Variants in FLT4 observed in about 807,000 individuals in gnomAD.
The protein encoded by FLT4 is fms related receptor tyrosine kinase 4.
FLT4 carries 30 observed loss-of-function variants against 163.2 expected under a neutral mutation model. The ratio of observed to expected loss-of-function variants is 0.18; its 90% CI spans 0.14 to 0.25. The LOEUF (loss-of-function observed/expected upper bound fraction) is 0.25. Ranked by LOEUF, FLT4 falls within the 10% of genes least tolerant of loss-of-function variation. FLT4 has a pLI of 1.00. For missense variants in FLT4, 1,510 were observed against 1,863.8 expected (o/e 0.81, Z 3.50); for synonymous variants, 884 against 789.5 (o/e 1.12, Z -2.01).
Position 180,620,051 on chromosome 5 carries a change from C to T in FLT4, c.2542+122G>A. 7.9e-7 allele frequency: 1 copy of T among 1,264,002 alleles called. No homozygotes were observed. Among genetic ancestry groups the T allele is most frequent in the Non-Finnish European group, 1.1e-6 (1 of 906,032 alleles). 78.3% of individuals were successfully genotyped at this position (1,264,002 alleles called of 1,614,324 possible). A position where few individuals can be genotyped will look rare whatever the true frequency, so the allele number is the denominator to read the frequency against. On this transcript the variant is annotated intron_variant, in intron 17 of 29. Coordinates refer to ENST00000261937, the MANE Select transcript of FLT4 (RefSeq NM_182925.5). This position sits in a 1 kb window ranked among gnomAD's most constrained non-coding sequence, Gnocchi z 4.4. ...TTCTAGGTACCCACGCCCACAGGGACAGGTCAGGCCAGGCGGAACTTCCTG... is the reference window on the plus strand; with the variant it reads ...TTCTAGGTACCCACGCCCACAGGGATAGGTCAGGCCAGGCGGAACTTCCTG...
In FLT4 at chr5:180,619,284, G is replaced by T; in HGVS notation, c.2730C>A (p.Val910=). 1 of 1,610,698 alleles carries T rather than the reference G, an allele frequency of 6.2e-7. No individual in the cohort carries two copies. The highest frequency in any genetic ancestry group is 1.1e-5 in the South Asian group (1 of 91,066). The part of the protein sequence containing the change: ...LIHIGNHLNV[V]NLLGACTKPQ... ...GCTTGGTGCACGCCCCGAGGAGGTT[G>T]ACCACGTTGAGGTGGTTGCCGATGT... Residue 910 remains valine (V), a synonymous_variant, in exon 19 of 30, where the codon GTC becomes GTA. Transcript: ENST00000261937.
intron 29 of FLT4, among the ~76,000 whole-genome samples, chr5:180,607,419 C>T (rs1203156725): frequency 3.9e-5 from 6 of 152,030 alleles, no homozygotes; most frequent in South Asian, 4.2e-4. Flanking sequence ...GGGCGGATCA[C>T]GAGGTCAGGA....
At chr5:180,624,401 G>T (rs1432436040) in intron 10 of FLT4, among the ~76,000 whole-genome samples, 1 of 151,750 alleles carries the variant, frequency 6.6e-6, no homozygotes, top group Non-Finnish European at 1.5e-5. Flanking sequence ...TATTTTTTTT[G>T]TATTTTCAGT....
At chr5:180,629,654 A>G in intron 6 of FLT4, 42 bp downstream of exon 6, 1 of 1,600,038 alleles carries the variant, frequency 6.2e-7, no homozygotes, top group South Asian at 1.1e-5. Context: ...AGTCACAGGG[A>G]CTCCTGGGGA....
chr5:180,618,559 G>C (rs564581315), intron 21 of FLT4, among the ~76,000 whole-genome samples: 1 of 152,324 alleles, frequency 6.6e-6, no homozygotes, highest in South Asian at 2.1e-4. Context: ...CTTGTCTGCA[G>C]GGCAATTTCC....
chr5:180,609,446 C>A, intron 28 of FLT4: 1 of 390,882 alleles, frequency 2.6e-6, no homozygotes, highest in South Asian at 2.8e-5. Context: ...TGTTATCCTT[C>A]GACTGTGGCT....
rs1466474507 is a variant in FLT4 at position 180,618,792 on chromosome 5, C to A, written c.2979G>T (p.Arg993Ser). ...ARFSKTEGGA[R>S]RASPDQEAED... ...CACCTTCTTGGTCTGGAGAAGCCCG[C>A]CTCGCTCCGCCCTCGGTCTTCGAGA... Residue 993 changes from arginine to serine, a missense_variant, in exon 21 of 30, where the codon AGG (arginine) becomes AGT (serine). Transcript: ENST00000261937. 3 of 1,588,922 alleles carry A rather than the reference C, an allele frequency of 1.9e-6. No homozygotes were observed. The African/African-American group carries it at 4.0e-5, about 21-fold the overall frequency.
At position 180,611,648 on chromosome 5, in the gene FLT4, C is replaced by T. The variant is rs573012218; in HGVS notation, c.3538-169G>A. 172 of 738,676 alleles carry T rather than the reference C, an allele frequency of 2.3e-4. No homozygotes were observed. The African/African-American group carries it at 2.4e-3, about 10-fold the overall frequency. 45.8% of individuals were successfully genotyped at this position (738,676 alleles called of 1,614,324 possible). A position where few individuals can be genotyped will look rare whatever the true frequency, so the allele number is the denominator to read the frequency against. ...CCTCGCCCTGCCCTCAGCCCTCGCT[C>T]TGCCCTCGGGACTGCTTGGGCTCCT... On this transcript the variant is annotated intron_variant, in intron 26 of 29. Coordinates refer to ENST00000261937, the MANE Select transcript of FLT4 (RefSeq NM_182925.5).
chr5:180,621,377 G>A, intron 13 of FLT4, 125 bp from the exon 14 acceptor site: 1 of 1,399,774 alleles, frequency 7.1e-7, no homozygotes, highest in Admixed American at 2.3e-5. Context: ...CGCCGGGCAG[G>A]AGCGCGGCGC....
chr5:180,604,966 GT>G (rs533859534), intron 29 of FLT4, among the ~76,000 whole-genome samples: 2 of 152,040 alleles, frequency 1.3e-5, no homozygotes, highest in Admixed American at 6.6e-5. Context: ...GATTTATCGG[GT>G]TTTTTTCCCC....
intron 23 of FLT4, 126 bp downstream of exon 23, chr5:180,616,241 T>C (rs1300203223): frequency 1.5e-6 from 2 of 1,374,272 alleles, no homozygotes; most frequent in African/African-American, 1.4e-5. Flanking sequence ...GCTGGGCACA[T>C]GGCTGGCCAA....
At position 180,630,616 on chromosome 5, in the gene FLT4, G is replaced by A. The variant is rs1764035320; in HGVS notation, c.339C>T (p.Tyr113=). ...CCTCGATGCGTGCCTTGATGTACTT[G>A]TAGTAGCAGACGTAGCTGCCTGTGT... ...ANDTGSYVCY[Y]KYIKARIEGT... Residue 113 remains tyrosine (Y), a synonymous_variant, in exon 3 of 30, where the codon TAC becomes TAT. Transcript: ENST00000261937. This position sits in a 1 kb window ranked among gnomAD's most constrained non-coding sequence, Gnocchi z 6.3. 1.9e-6 allele frequency: 3 copies of A among 1,613,136 alleles called. No homozygotes were observed. Among genetic ancestry groups the A allele is most frequent in the Non-Finnish European group, 2.5e-6 (3 of 1,179,990 alleles).
chr5:180,608,194 T>C (rs1761909502), intron 29 of FLT4: 2 of 700,618 alleles, frequency 2.9e-6, no homozygotes, highest in South Asian at 1.5e-5. Flanking sequence ...GTAGAAGAAA[T>C]AGCGAAAGTC....
At chr5:180,629,920 G>A (rs374045727) in intron 5 of FLT4, 23 bp downstream of exon 5, 1 of 1,612,602 alleles carries the variant, frequency 6.2e-7, no homozygotes, top group East Asian at 2.2e-5. Context: ...CCCGTTACTG[G>A]GAACGGGGCA....
chr5:180,641,816 C>T (rs1765137584), intron 1 of FLT4, among the ~76,000 whole-genome samples: 1 of 152,238 alleles, frequency 6.6e-6, no homozygotes, highest in African/African-American at 2.4e-5. Flanking sequence ...TGGTCTTGGG[C>T]AAATCACTTC....
At chr5:180,609,753 C>A in intron 28 of FLT4, 152 bp downstream of exon 28, 1 of 907,102 alleles carries the variant, frequency 1.1e-6, no homozygotes, top group South Asian at 1.4e-5. Context: ...CGCAGGAGGG[C>A]CCAAATGTGC....
chr5:180,621,043 G>C, intron 14 of FLT4, 36 bp from the exon 15 acceptor site: 1 of 1,611,804 alleles, frequency 6.2e-7, no homozygotes, highest in Non-Finnish European at 8.5e-7. Flanking sequence ...GGTCCACCTG[G>C]GTTTGGGATC....
chr5:180,614,190 A>G lies in FLT4; in HGVS notation c.3220-11T>C, dbSNP rs2934602. 2.2e-4 allele frequency: 272 copies of G among 1,245,446 alleles called. 1 individual carries two copies. The African/African-American group carries it at 3.5e-3, about 16-fold the overall frequency. The allele number at this position is 1,245,446 out of a possible 1,614,324, so 77.1% of individuals were successfully genotyped here. A position where few individuals can be genotyped will look rare whatever the true frequency, so the allele number is the denominator to read the frequency against. The stretch of plus-strand genomic sequence containing the variant: ...CAGGGGCAGCCGGGCCTGGGGAGAC[A>G]GAGGGAAGCTTGTCCCGTGGTGGAT... On this transcript the variant is annotated splice_polypyrimidine_tract_variant and intron_variant, in intron 23 of 29. Coordinates refer to ENST00000261937, the MANE Select transcript of FLT4 (RefSeq NM_182925.5).
At chr5:180,627,165 C>T (rs1763688992) in intron 8 of FLT4, among the ~76,000 whole-genome samples, 1 of 152,228 alleles carries the variant, frequency 6.6e-6, no homozygotes, top group South Asian at 2.1e-4. Flanking sequence ...CTCCTTTGGA[C>T]AGGTGCCTGC....
Sources: allele counts gnomAD v4.1 joint callset (sites outside exome capture counted in the v4.1 genomes callset), GRCh38; gene constraint gnomAD v4.1.1; non-coding constraint Gnocchi (gnomAD v3.1); transcripts MANE v1.5; gene names NCBI Gene and HGNC (gene_info 2026-07-23, HGNC 2026-07-21).